CCDC102B: variants seen among roughly 807,000 people sequenced by gnomAD.
The protein encoded by CCDC102B is coiled-coil domain containing 102B.
In CCDC102B, 75 loss-of-function variants were observed where a neutral mutation model predicts 57.4. That is an observed-to-expected ratio of 1.31 (90% CI 1.08 to 1.58). CCDC102B has a LOEUF of 1.58. CCDC102B is among the 40% of genes most tolerant of loss of function. The pLI is 0.00. For synonymous variants in CCDC102B, 206 were observed against 201.9 expected, an observed-to-expected ratio of 1.02 and a Z score of -0.17; for missense variants, 636 against 582.6, an observed-to-expected ratio of 1.09 and a Z score of -0.94.
At chr18:68,846,693 A>G (rs992912413) in intron 4 of CCDC102B, among the ~76,000 whole-genome samples, 1 of 151,870 alleles carries the variant, frequency 6.6e-6, no homozygotes. Flanking sequence ...TATTTAAGAT[A>G]TAAAAATGAT....
chr18:68,829,500 T>C, intron 1 of CCDC102B, among the ~76,000 whole-genome samples: 1 of 152,124 alleles, frequency 6.6e-6, no homozygotes, highest in Non-Finnish European at 1.5e-5. Context: ...TGAAAAAATA[T>C]TATATGTACT....
chr18:68,846,143 C>G (rs950653621), intron 3 of CCDC102B, among the ~76,000 whole-genome samples, 170 bp from the exon 4 acceptor site: 16 of 151,784 alleles, frequency 1.1e-4, no homozygotes, highest in African/African-American at 3.9e-4. Context: ...AACTAAAATA[C>G]TTTTATTCAA....
chr18:68,788,967 C>G (rs2035321555), intron 2 of CCDC102B, among the ~76,000 whole-genome samples: 1 of 152,172 alleles, frequency 6.6e-6, no homozygotes, highest in East Asian at 1.9e-4. Context: ...GCGGCTGGTA[C>G]TGGTTGTTCC....
chr18:68,824,565 G>C (rs1051317927), intron 1 of CCDC102B, among the ~76,000 whole-genome samples: 3 of 152,164 alleles, frequency 2.0e-5, no homozygotes, highest in African/African-American at 4.8e-5. Context: ...GTGAGAGTGG[G>C]CATCCTCGTC....
At chr18:68,999,503 G>A (rs1801610935) in intron 6 of CCDC102B, among the ~76,000 whole-genome samples, 1 of 151,870 alleles carries the variant, frequency 6.6e-6, no homozygotes, top group African/African-American at 2.4e-5. Flanking sequence ...CTACTCGAGA[G>A]GCTGAGTTTT....
At chr18:68,716,064 C>A (rs186950818) in intron 1 of CCDC102B, among the ~76,000 whole-genome samples, 1 of 152,094 alleles carries the variant, frequency 6.6e-6, no homozygotes, top group African/African-American at 2.4e-5. Context: ...AGCATGGTAT[C>A]CAGCGCAAGC....
At chr18:68,872,245 G>A (rs1403821519) in intron 4 of CCDC102B, among the ~76,000 whole-genome samples, 1 of 152,122 alleles carries the variant, frequency 6.6e-6, no homozygotes, top group South Asian at 2.1e-4. Context: ...TCAAAGTTCA[G>A]TGGAGAACTA....
rs1171130866 is a variant in CCDC102B at position 68,798,105 on chromosome 18, A to G, written c.-92A>G. On this transcript the variant is annotated 5_prime_UTR_variant, in exon 1 of 8. Coordinates refer to ENST00000360242, the MANE Select transcript of CCDC102B (RefSeq NM_024781.3). ...AGGACTCCAGAACTGTACGGATGAG[A>G]AAAGGATGCAGGAAATTCTGTTGTT... 2 of 152,132 alleles carry G rather than the reference A, an allele frequency of 1.3e-5. No homozygotes were observed. Among genetic ancestry groups the G allele is most frequent in the African/African-American group, 4.8e-5 (2 of 41,430 alleles). 9.4% of individuals were successfully genotyped at this position (152,132 alleles called of 1,614,324 possible). A position where few individuals can be genotyped will look rare whatever the true frequency, so the allele number is the denominator to read the frequency against.
At chr18:68,983,001 T>C (rs2050632360) in intron 6 of CCDC102B, among the ~76,000 whole-genome samples, 1 of 151,928 alleles carries the variant, frequency 6.6e-6, no homozygotes, top group African/African-American at 2.4e-5. Context: ...CCACAAGGAT[T>C]TGTACCATAC....
chr18:68,928,860 G>A (rs1364813116), intron 6 of CCDC102B, among the ~76,000 whole-genome samples: 1 of 151,816 alleles, frequency 6.6e-6, no homozygotes, highest in African/African-American at 2.4e-5. Context: ...TGTAGGGCAA[G>A]AAAGTAGTTG....
intron 2 of CCDC102B, among the ~76,000 whole-genome samples, chr18:68,734,509 T>C (rs891061980): frequency 4.6e-5 from 7 of 152,246 alleles, no homozygotes; most frequent in African/African-American, 1.7e-4. Flanking sequence ...TTATGCGTCG[T>C]GTGTATTTAA....
At chr18:68,856,129 A>G (rs1021243606) in intron 4 of CCDC102B, among the ~76,000 whole-genome samples, 3 of 152,174 alleles carry the variant, frequency 2.0e-5, no homozygotes, top group African/African-American at 7.2e-5. Flanking sequence ...CTTTAACTTC[A>G]TAAAATATAC....
intron 2 of CCDC102B, among the ~76,000 whole-genome samples, chr18:68,786,795 T>G (rs1005959449): frequency 4.6e-5 from 7 of 151,666 alleles, no homozygotes; most frequent in African/African-American, 1.5e-4. Flanking sequence ...TGACTTCCTC[T>G]TCTCCTAATT....
rs71175201 is a variant in CCDC102B, at chr18:68,853,672, T to TAAAAAAAAAAAAA, written c.936+7269_936+7281dup. Among the ~76,000 whole-genome samples, 234 of 94,624 alleles carry TAAAAAAAAAAAAA rather than the reference T, an allele frequency of 2.5e-3. 27 individuals are homozygous for TAAAAAAAAAAAAA. Among genetic ancestry groups the TAAAAAAAAAAAAA allele is most frequent in the African/African-American group, 8.8e-3 (188 of 21,326 alleles). 62.1% of individuals were successfully genotyped at this position (94,624 alleles called of 152,430 possible). On this transcript the variant is annotated intron_variant, in intron 4 of 7. Coordinates refer to ENST00000360242, the MANE Select transcript of CCDC102B (RefSeq NM_024781.3). The stretch of plus-strand genomic sequence containing the variant: ...CGAATTTTTCTTTATCCCCAAATTG[T>TAAAAAAAAAAAAA]AAAAAAAAAAAAAAAAAAAAAAAAA...
Position 68,838,843 on chromosome 18 carries a change from G to C in CCDC102B, c.744G>C (p.Leu248=), listed in dbSNP as rs969109287. 1 of 1,613,942 alleles carries C rather than the reference G, an allele frequency of 6.2e-7. No homozygotes were observed. The highest frequency in any genetic ancestry group is 8.5e-7 in the Non-Finnish European group (1 of 1,179,920). Residue 248 remains leucine (L), a synonymous_variant, in exon 3 of 8, where the codon CTG becomes CTC. Coordinates refer to ENST00000360242, the MANE Select transcript of CCDC102B (RefSeq NM_024781.3). ...KTGLRLKAIN[L]PLENEVTEIS... is the part of the protein sequence containing the mutation. ...GGCTGAGACTGAAAGCAATAAATCT[G>C]CCTTTGGAAAATGAAGTAACTGAAA...
intron 2 of CCDC102B, among the ~76,000 whole-genome samples, chr18:68,755,799 C>A (rs185914593): frequency 4.6e-5 from 7 of 150,822 alleles, no homozygotes; most frequent in Non-Finnish European, 7.4e-5. Flanking sequence ...ATAGAAAAAC[C>A]ATAAGAATCA....
chr18:68,845,182 C>T (rs2144813807), intron 3 of CCDC102B, among the ~76,000 whole-genome samples: 1 of 151,936 alleles, frequency 6.6e-6, no homozygotes, highest in Admixed American at 6.6e-5. Context: ...CCTAACACTA[C>T]TTTGAATTAT....
At chr18:68,777,115 T>C (rs1377565905) in intron 2 of CCDC102B, among the ~76,000 whole-genome samples, 1 of 152,186 alleles carries the variant, frequency 6.6e-6, no homozygotes, top group Non-Finnish European at 1.5e-5. Flanking sequence ...CTGAGAACTT[T>C]TTGATTAAGC....
rs757441809 is a variant in CCDC102B at position 68,837,396 on chromosome 18, G to T, written c.606+27G>T. ...TAAGAAAAAAATCCAGAGATGATGT[G>T]AATTTCTGAAGGTCATATATAGTGA... is the stretch of plus-strand genomic sequence containing the variant. On this transcript the variant is annotated intron_variant, in intron 2 of 7. Transcript: ENST00000360242. 3 of 1,583,820 alleles carry T rather than the reference G, an allele frequency of 1.9e-6. No homozygotes were observed. The South Asian group carries it at 3.5e-5, about 19-fold the overall frequency.
Sources: gnomAD v4.1 joint callset for allele counts (sites outside exome capture counted in the v4.1 genomes callset) on GRCh38, gnomAD v4.1.1 for gene constraint, MANE v1.5 for transcripts, NCBI Gene and HGNC (gene_info 2026-07-23, HGNC 2026-07-21) for gene names.